The following FARS2 variants were observed in gnomAD, a reference collection of about 807,000 sequenced individuals.
FARS2 encodes phenylalanine--tRNA ligase, mitochondrial.
FARS2 carries 40 observed loss-of-function variants against 46.4 expected under a neutral mutation model. The observed-to-expected ratio is 0.86, with a 90% CI of 0.67 to 1.12. The LOEUF is 1.12. Among genes scored for constraint, FARS2 ranks in the 50% most tolerant of loss-of-function variants. The pLI is 0.00. For synonymous variants in FARS2, 234 were observed against 214.9 expected, an observed-to-expected ratio of 1.09 and a Z score of -0.78; for missense variants, 513 against 567.9, an observed-to-expected ratio of 0.90 and a Z score of 0.98.
chr6:5,761,403 G>A (rs370494077), intron 6 of FARS2, among the ~76,000 whole-genome samples: 79 of 152,292 alleles, frequency 5.2e-4, no homozygotes, highest in African/African-American at 1.7e-3. Context: ...CAAGCAGTTC[G>A]TATACCTGTT....
chr6:5,424,306 A>T (rs895477963), intron 3 of FARS2, among the ~76,000 whole-genome samples: 1 of 152,216 alleles, frequency 6.6e-6, no homozygotes, highest in African/African-American at 2.4e-5. Flanking sequence ...ATTTATTAAA[A>T]TCATAAAAGC....
At chr6:5,552,086 A>G (rs1159351235) in intron 5 of FARS2, among the ~76,000 whole-genome samples, 2 of 152,168 alleles carry the variant, frequency 1.3e-5, no homozygotes. Context: ...TTTCGTCATG[A>G]CAGATTGCTT....
chr6:5,345,719 C>G (rs1393617197), intron 1 of FARS2, among the ~76,000 whole-genome samples: 3 of 152,134 alleles, frequency 2.0e-5, no homozygotes, highest in Non-Finnish European at 4.4e-5. Flanking sequence ...AAGAATGTTC[C>G]CTTTCCACCA....
At chr6:5,581,548 G>A (rs1377385879) in intron 5 of FARS2, among the ~76,000 whole-genome samples, 1 of 152,184 alleles carries the variant, frequency 6.6e-6, no homozygotes. Flanking sequence ...GTATATGCTT[G>A]TTTGCTCTGA....
At chr6:5,763,301 A>C (rs1348820197) in intron 6 of FARS2, among the ~76,000 whole-genome samples, 1 of 152,068 alleles carries the variant, frequency 6.6e-6, no homozygotes. Flanking sequence ...GAAATCAAAA[A>C]ATTAACTAGA....
intron 2 of FARS2, among the ~76,000 whole-genome samples, chr6:5,391,145 C>G (rs1760484240): frequency 6.6e-6 from 1 of 152,174 alleles, no homozygotes; most frequent in Non-Finnish European, 1.5e-5. Context: ...TCATCTGACC[C>G]TATTGCCCCT....
intron 5 of FARS2, among the ~76,000 whole-genome samples, chr6:5,550,999 A>G (rs6937827): frequency 0.73 from 110,485 of 152,076 alleles, 40,423 homozygotes; most frequent in Middle Eastern, 0.87. Context: ...TTCTTTCAGC[A>G]AAACCCCTAA....
At chr6:5,760,027 A>G (rs1319400356) in intron 6 of FARS2, among the ~76,000 whole-genome samples, 1 of 152,216 alleles carries the variant, frequency 6.6e-6, no homozygotes, top group Non-Finnish European at 1.5e-5. Flanking sequence ...TCTTCCCTTC[A>G]ATCTCTCACT....
intron 4 of FARS2, among the ~76,000 whole-genome samples, chr6:5,447,722 C>T (rs1460056301): frequency 3.9e-5 from 6 of 152,150 alleles, no homozygotes; most frequent in Non-Finnish European, 7.3e-5. Context: ...GAGGATAAAA[C>T]AATAAATGTT....
At chr6:5,716,727 A>C (rs942958143) in intron 6 of FARS2, among the ~76,000 whole-genome samples, 8 of 152,182 alleles carry the variant, frequency 5.3e-5, no homozygotes, top group Non-Finnish European at 8.8e-5. Context: ...AGCTTACAGA[A>C]CTCAGAAACA....
At chr6:5,438,228 G>T (rs1763637764) in intron 4 of FARS2, among the ~76,000 whole-genome samples, 4 of 73,662 alleles carry the variant, frequency 5.4e-5, no homozygotes, top group African/African-American at 1.4e-4. Flanking sequence ...TTACTTTCAA[G>T]GCTTCTACCC....
At chr6:5,347,350 G>T (rs185679403) in intron 1 of FARS2, among the ~76,000 whole-genome samples, 155 of 152,218 alleles carry the variant, frequency 1.0e-3, no homozygotes, top group Non-Finnish European at 4.7e-4. Context: ...CTAGAAGTCG[G>T]TATTGTTCTG....
intron 6 of FARS2, among the ~76,000 whole-genome samples, chr6:5,613,721 C>G (rs893472572): frequency 2.0e-5 from 3 of 152,172 alleles, no homozygotes; most frequent in Non-Finnish European, 4.4e-5. Context: ...ACGCCAAGAT[C>G]TATATTACGT....
At chr6:5,670,123 G>T (rs1778376631) in intron 6 of FARS2, among the ~76,000 whole-genome samples, 1 of 152,162 alleles carries the variant, frequency 6.6e-6, no homozygotes, top group African/African-American at 2.4e-5. Context: ...GAAGTTAACA[G>T]CAGTGTGTTA....
the FARS2 span, among the ~76,000 whole-genome samples, chr6:5,251,987 T>C: frequency 6.6e-6 from 1 of 152,188 alleles, no homozygotes; most frequent in Non-Finnish European, 1.5e-5. Flanking sequence ...ACACGAATCA[T>C]TATTTGGTTC....
At chr6:5,531,664 GC>G (rs1253668931) in intron 4 of FARS2, among the ~76,000 whole-genome samples, 1 of 152,094 alleles carries the variant, frequency 6.6e-6, no homozygotes. Context: ...AGTGTTTGGG[GC>G]CAAGGATATA....
chr6:5,397,747 G>A (rs184886103), intron 2 of FARS2, among the ~76,000 whole-genome samples: 4 of 152,256 alleles, frequency 2.6e-5, no homozygotes, highest in Admixed American at 2.6e-4. Context: ...AGGATTACAT[G>A]TTATATTTTT....
chr6:5,575,275 G>A (rs1232085209), intron 5 of FARS2, among the ~76,000 whole-genome samples: 1 of 152,066 alleles, frequency 6.6e-6, no homozygotes, highest in African/African-American at 2.4e-5. Flanking sequence ...ACATCAGCTG[G>A]GAACATGTGT....
At chr6:5,527,219 T>C (rs150386684) in intron 4 of FARS2, among the ~76,000 whole-genome samples, 1 of 152,370 alleles carries the variant, frequency 6.6e-6, no homozygotes, top group Non-Finnish European at 1.5e-5. Context: ...TAAGTCTATT[T>C]TGTGAGTGGA....
Sources: gnomAD v4.1 joint callset for allele counts (sites outside exome capture counted in the v4.1 genomes callset) on GRCh38, gnomAD v4.1.1 for gene constraint, MANE v1.5 for transcripts, NCBI Gene and HGNC (gene_info 2026-07-23, HGNC 2026-07-21) for gene names.